The following KIF1C variants were observed in gnomAD, a reference collection of about 807,000 sequenced individuals.
KIF1C encodes the protein kinesin family member 1C.
In KIF1C, 61 loss-of-function variants were observed where a neutral mutation model predicts 126.5. The ratio of observed to expected loss-of-function variants is 0.48; its 90% CI spans 0.39 to 0.60. The LOEUF is 0.60. Ranked by LOEUF, KIF1C falls within the 20% of genes least tolerant of loss-of-function variation. The pLI is 0.00. For missense variants in KIF1C, 1,315 were observed against 1,489.2 expected (o/e 0.88, Z 1.93); for synonymous variants, 640 against 580.6 (o/e 1.10, Z -1.47).
rs190075791 is a variant in KIF1C, at chr17:5,002,237, T to A, written c.429+113T>A. ...GGCTCTGCTGGTTACTGACTGTGAC[T>A]TTGGGGCAGTGATTCTGTCCTTCAG... On this transcript the variant is annotated intron_variant, in intron 6 of 22. Transcript: ENST00000320785. 2.7e-5 allele frequency: 30 copies of A among 1,091,392 alleles called. No homozygotes were observed. The African/African-American group carries it at 4.0e-4, about 15-fold the overall frequency. 67.6% of individuals were successfully genotyped at this position (1,091,392 alleles called of 1,614,324 possible). A position where few individuals can be genotyped will look rare whatever the true frequency, so the allele number is the denominator to read the frequency against.
chr17:5,017,940 C>T (rs771237539), intron 18 of KIF1C, among the ~76,000 whole-genome samples: 29 of 152,132 alleles, frequency 1.9e-4, no homozygotes, highest in Non-Finnish European at 3.7e-4. Flanking sequence ...CCCAGCCCCA[C>T]TTTCCCTGCA....
chr17:5,008,717 G>A (rs886401236), intron 16 of KIF1C, among the ~76,000 whole-genome samples: 2 of 152,252 alleles, frequency 1.3e-5, no homozygotes, highest in Non-Finnish European at 2.9e-5. Flanking sequence ...GCCAGGCTGC[G>A]TGTCTGGGGT....
intron 16 of KIF1C, among the ~76,000 whole-genome samples, chr17:5,009,238 G>T (rs1008844098): frequency 4.6e-5 from 7 of 151,176 alleles, no homozygotes; most frequent in African/African-American, 1.5e-4. Context: ...GGAGTGCAAC[G>T]GTGCAATCTT....
Position 5,020,143 on chromosome 17 carries a change from G to T in KIF1C, c.1750+64G>T, listed in dbSNP as rs1223257097. 1 of 1,197,086 alleles carries T rather than the reference G, an allele frequency of 8.4e-7. No individual in the cohort carries two copies. Among genetic ancestry groups the T allele is most frequent in the African/African-American group, 1.5e-5 (1 of 66,122 alleles). 74.2% of individuals were successfully genotyped at this position (1,197,086 alleles called of 1,614,324 possible). A position where few individuals can be genotyped will look rare whatever the true frequency, so the allele number is the denominator to read the frequency against. ...GCTGTGTGTAGGAAGTCTCAAGGGA[G>T]GTCCTTCTGGGTGCATCCTAGAGGA... is the stretch of plus-strand genomic sequence containing the variant. On this transcript the variant is annotated intron_variant, in intron 19 of 22. Coordinates refer to ENST00000320785, the MANE Select transcript of KIF1C (RefSeq NM_006612.6). This position sits in a 1 kb window ranked among gnomAD's most constrained non-coding sequence, Gnocchi z 5.8.
At chr17:5,009,471 C>G (rs1974812168) in intron 16 of KIF1C, among the ~76,000 whole-genome samples, 1 of 151,874 alleles carries the variant, frequency 6.6e-6, no homozygotes, top group Non-Finnish European at 1.5e-5. Flanking sequence ...AGCCACCGTG[C>G]CAGGCCCATT....
intron 18 of KIF1C, among the ~76,000 whole-genome samples, chr17:5,018,347 TTC>T (rs1491301754): frequency 7.1e-6 from 1 of 140,948 alleles, no homozygotes; most frequent in African/African-American, 2.6e-5. Flanking sequence ...AAATGCCTTT[TTC>T]CCCCCCTCTT....
intron 1 of KIF1C, among the ~76,000 whole-genome samples, chr17:4,999,344 C>T (rs1439338897): frequency 6.6e-6 from 1 of 152,196 alleles, no homozygotes; most frequent in African/African-American, 2.4e-5. Flanking sequence ...TTTGCATTTG[C>T]AGTTTCCTCT....
At chr17:5,004,728 C>T (rs549835770) in intron 12 of KIF1C, 83 bp downstream of exon 12, 5 of 1,581,476 alleles carry the variant, frequency 3.2e-6, no homozygotes, top group East Asian at 2.2e-5. Context: ...GGACCCTGCT[C>T]GTGAGACGGG....
Position 5,022,008 on chromosome 17 carries a change from A to C in KIF1C, c.2011-84A>C. On this transcript the variant is annotated intron_variant, in intron 21 of 22. Coordinates refer to ENST00000320785, the MANE Select transcript of KIF1C (RefSeq NM_006612.6). This position sits in a 1 kb window ranked among gnomAD's most constrained non-coding sequence, Gnocchi z 4.9. ...CAGGCTCCCTGATGGGCGTGTTTCCAGTGTACTTAGGACACACTGGGCCAA... is the reference window on the plus strand; with the variant it reads ...CAGGCTCCCTGATGGGCGTGTTTCCCGTGTACTTAGGACACACTGGGCCAA... 1 of 1,445,856 alleles carries C rather than the reference A, an allele frequency of 6.9e-7. No homozygotes were observed. The highest frequency in any genetic ancestry group is 9.3e-7 in the Non-Finnish European group (1 of 1,081,042). 89.6% of individuals were successfully genotyped at this position (1,445,856 alleles called of 1,614,324 possible).
chr17:5,010,758 T>A (rs181963806), intron 16 of KIF1C, among the ~76,000 whole-genome samples: 2,156 of 148,294 alleles, frequency 0.015, 42 homozygotes, highest in East Asian at 0.05. Context: ...AAAAAAAAAA[T>A]TTTTTTTTTA....
chr17:5,008,591 C>T (rs1974788342), intron 16 of KIF1C, among the ~76,000 whole-genome samples: 1 of 152,212 alleles, frequency 6.6e-6, no homozygotes, highest in Admixed American at 6.5e-5. Flanking sequence ...AAGTCAGGTC[C>T]ATCTGGGGGA....
At chr17:5,018,630 G>A (rs1348018008) in intron 18 of KIF1C, among the ~76,000 whole-genome samples, 2 of 151,786 alleles carry the variant, frequency 1.3e-5, no homozygotes, top group Non-Finnish European at 2.9e-5. Context: ...AGAGGTTGCA[G>A]TGAGCTGAGA....
Position 5,024,914 on chromosome 17 carries a change from CT to C in KIF1C, c.*774del, listed in dbSNP as rs373216126. 0.042 allele frequency: 6,116 copies of C among 145,928 alleles called. 361 individuals carry two copies. Among genetic ancestry groups the C allele is most frequent in the African/African-American group, 0.14 (5,480 of 40,456 alleles). The allele number at this position is 145,928 out of a possible 1,614,324, so 9.0% of individuals were successfully genotyped here. A position where few individuals can be genotyped will look rare whatever the true frequency, so the allele number is the denominator to read the frequency against. ...GGTGCGCAGCCCGATCTTTTCCCCG[CT>C]TTTTTTTTTTGGGAGACAGGGTCTT... is the stretch of plus-strand genomic sequence containing the variant. On this transcript the variant is annotated 3_prime_UTR_variant, in exon 23 of 23. Coordinates refer to ENST00000320785, the MANE Select transcript of KIF1C (RefSeq NM_006612.6).
Position 5,001,344 on chromosome 17 carries a change from G to GA in KIF1C, c.309dup (p.Ser104IlefsTer21). The GA allele has an allele frequency of 6.2e-7, 1 of 1,614,146 alleles. No individual in the cohort carries two copies. The stretch of plus-strand genomic sequence containing the variant: ...TTGCCTATGGGCAGACCGGGGCTGG[G>GA]AAATCCTATACCATGATGGGGCGAC... On this transcript the variant is annotated frameshift_variant, in exon 5 of 23. Transcript: ENST00000320785. LOFTEE classifies it high-confidence loss of function.
Position 5,023,908 on chromosome 17 carries a change from C to G in KIF1C, c.3069C>G (p.Pro1023=), listed in dbSNP as rs1975149505. ...PATPARRPPS[P]RRSHHPRRNS... is the part of the protein sequence containing the mutation. ...CCCCTGCCCGCCGGCCTCCGAGTCC[C>G]CGAAGGTCCCACCATCCCCGCAGGA... Residue 1023 remains proline (P), a synonymous_variant, in exon 23 of 23, where the codon CCC becomes CCG. Transcript: ENST00000320785. The surrounding 1 kb of genome is among the most constrained non-coding windows in gnomAD (Gnocchi z 4.2). The G allele has an allele frequency of 6.4e-7, 1 of 1,558,568 alleles. No homozygotes were observed.
chr17:5,001,383 G>A lies in KIF1C; in HGVS notation c.345G>A (p.Gln115=). 2 of 1,614,032 alleles carry A rather than the reference G, an allele frequency of 1.2e-6. No homozygotes were observed. Among genetic ancestry groups the A allele is most frequent in the Non-Finnish European group, 1.7e-6 (2 of 1,179,928 alleles). ...TGATGGGGCGACAGGAGCCAGGGCA[G>A]CAGGGCATCGTGCCCCAGGTACGCC... ...YTMMGRQEPG[Q]QGIVPQLCED... is the part of the protein sequence containing the mutation. The change falls in exon 5 of 23, where the codon CAG becomes CAA. Residue 115 remains glutamine, a synonymous_variant. Coordinates refer to ENST00000320785, the MANE Select transcript of KIF1C (RefSeq NM_006612.6).
chr17:5,008,786 C>T (rs1400269520), intron 16 of KIF1C, among the ~76,000 whole-genome samples: 2 of 152,180 alleles, frequency 1.3e-5, no homozygotes, highest in African/African-American at 4.8e-5. Flanking sequence ...CCAGACTCTT[C>T]TGGGACCCAG....
rs768735752 is a variant in KIF1C at position 5,002,855 on chromosome 17, C to T, written c.720+13C>T. On this transcript the variant is annotated intron_variant, in intron 8 of 22. Coordinates refer to ENST00000320785, the MANE Select transcript of KIF1C (RefSeq NM_006612.6). ...GGACTCGGAGAAGGTGGGATCGCCC[C>T]CCCCCCCACTCCCCCACCGGATGCA... 2 of 1,588,844 alleles carry T rather than the reference C, an allele frequency of 1.3e-6. No individual in the cohort carries two copies. Among genetic ancestry groups the T allele is most frequent in the Non-Finnish European group, 1.7e-6 (2 of 1,161,332 alleles).
chr17:5,026,945 C>CA lies in KIF1C; in HGVS notation c.*2799dup, dbSNP rs1975218345. 6.6e-6 allele frequency: 1 copy of CA among 151,786 alleles called. No homozygotes were observed. The highest frequency in any genetic ancestry group is 2.4e-5 in the African/African-American group (1 of 41,308). The allele number at this position is 151,786 out of a possible 1,614,324, so 9.4% of individuals were successfully genotyped here. A position where few individuals can be genotyped will look rare whatever the true frequency, so the allele number is the denominator to read the frequency against. The stretch of plus-strand genomic sequence containing the variant: ...CCCCATCTCTACAAAAAATAAAAAT[C>CA]AAAAATAATACTGTGGGCAAACTTT... On this transcript the variant is annotated 3_prime_UTR_variant, in exon 23 of 23. Coordinates refer to ENST00000320785, the MANE Select transcript of KIF1C (RefSeq NM_006612.6).
Sources: allele counts gnomAD v4.1 joint callset (sites outside exome capture counted in the v4.1 genomes callset), GRCh38; gene constraint gnomAD v4.1.1; non-coding constraint Gnocchi (gnomAD v3.1); transcripts MANE v1.5; gene names NCBI Gene and HGNC (gene_info 2026-07-23, HGNC 2026-07-21).